The following OTUD7B variants were observed in gnomAD, a reference collection of about 807,000 sequenced individuals.
OTUD7B encodes OTU deubiquitinase 7B, also known as OTU domain-containing protein 7B.
A neutral mutation model predicts 82.2 loss-of-function variants in OTUD7B; 34 were observed. The ratio of observed to expected loss-of-function variants is 0.41; its 90% CI spans 0.31 to 0.55. The LOEUF is 0.55. Among genes scored for constraint, OTUD7B ranks in the 20% least tolerant of loss-of-function variants. OTUD7B has a pLI of 0.20. For synonymous variants in OTUD7B, 398 were observed against 402.7 expected (o/e 0.99, Z 0.14); for missense variants, 944 against 1,062.1 (o/e 0.89, Z 1.55).
intron 7 of OTUD7B, among the ~76,000 whole-genome samples, chr1:149,950,535 T>C (rs912357792): frequency 6.6e-6 from 1 of 152,164 alleles, no homozygotes; most frequent in African/African-American, 2.4e-5. Flanking sequence ...ATTCTCTTCA[T>C]CCAGTAGCTC....
In OTUD7B at chr1:149,950,200, A is replaced by G. The variant is rs1553773045; in HGVS notation, c.867T>C (p.Pro289=). ...NCGGVESSEE[P]VYESLEEFHV... ...GAAACTCTTCAAGGCTCTCATATAC[A>G]GGCTCCTCAGAACTCTCCACCCTGG... The change falls in exon 8 of 12, where the codon CCT becomes CCC. Residue 289 remains proline, a synonymous_variant. Coordinates refer to ENST00000581312, the MANE Select transcript of OTUD7B (RefSeq NM_020205.4). 13 of 1,613,982 alleles carry G rather than the reference A, an allele frequency of 8.1e-6. No homozygotes were observed. Among genetic ancestry groups the G allele is most frequent in the Non-Finnish European group, 9.3e-6 (11 of 1,180,014 alleles).
intron 5 of OTUD7B, among the ~76,000 whole-genome samples, chr1:149,964,716 C>T (rs587675667): frequency 6.6e-6 from 1 of 151,780 alleles, no homozygotes; most frequent in South Asian, 2.1e-4. Flanking sequence ...GCTTCAGCCT[C>T]CCGAGTAGCT....
rs1553771068 is a variant in OTUD7B, at chr1:149,943,886, C to G, written c.2503G>C (p.Asp835His). ...AACCTGTGCACCAGGAGCTCCCCAT[C>G]CGGTTCCCGCTCCCTCCTCCTCAGT... The part of the protein sequence containing the change: ...EELRRREREP[D>H]GELLVHRF The change falls in exon 12 of 12, where the codon GAT becomes CAT. Residue 835 changes from aspartate (D) to histidine (H), a missense_variant. Around this residue, in one of 3 missense-constraint regions of OTUD7B, gnomAD observed 412 missense variants for 418.7 expected, o/e 0.98. Coordinates refer to ENST00000581312, the MANE Select transcript of OTUD7B (RefSeq NM_020205.4). 1 of 1,614,236 alleles carries G rather than the reference C, an allele frequency of 6.2e-7. No individual in the cohort carries two copies. The highest frequency in any genetic ancestry group is 1.1e-5 in the South Asian group (1 of 91,088).
intron 6 of OTUD7B, chr1:149,963,717 T>G (rs57950641): frequency 0.021 from 3,218 of 154,380 alleles, 91 homozygotes; most frequent in African/African-American, 0.07. Context: ...GGTATGCTTT[T>G]TGTGTGTGTG....
the OTUD7B span, among the ~76,000 whole-genome samples, chr1:150,037,651 G>A: frequency 1.3e-5 from 2 of 151,870 alleles, no homozygotes; most frequent in South Asian, 4.2e-4. Context: ...GTGCAGTGCC[G>A]CGATCTCAGC....
chr1:149,964,022 A>C (rs1553775988), intron 6 of OTUD7B, 200 bp downstream of exon 6: 4 of 562,132 alleles, frequency 7.1e-6, no homozygotes, highest in Middle Eastern at 4.9e-4. Context: ...TGTAGGTCTC[A>C]TGCCCACCAC....
the OTUD7B span, among the ~76,000 whole-genome samples, chr1:150,042,463 C>T: frequency 6.6e-6 from 1 of 151,878 alleles, no homozygotes; most frequent in African/African-American, 2.4e-5. Flanking sequence ...TTTGAGCCAC[C>T]GCAACCCGCC....
chr1:149,953,451 C>T (rs375158339), intron 7 of OTUD7B, among the ~76,000 whole-genome samples: 1 of 152,170 alleles, frequency 6.6e-6, no homozygotes, highest in Non-Finnish European at 1.5e-5. Context: ...GTTACTGCAG[C>T]CTTGTAGTAT....
At chr1:149,957,139 T>TCTG (rs1553774736) in intron 7 of OTUD7B, among the ~76,000 whole-genome samples, 1 of 148,322 alleles carries the variant, frequency 6.7e-6, no homozygotes, top group African/African-American at 2.6e-5. Context: ...TTTTCAGCTT[T>TCTG]TCTGCTCTGG....
chr1:149,945,613 C>T (rs919019178), intron 11 of OTUD7B, among the ~76,000 whole-genome samples: 11 of 152,278 alleles, frequency 7.2e-5, no homozygotes, highest in Admixed American at 3.3e-4. Context: ...TGACCCTACT[C>T]CTGTGCTCCT....
At chr1:149,957,264 C>T (rs1317118663) in intron 7 of OTUD7B, among the ~76,000 whole-genome samples, 2 of 151,724 alleles carry the variant, frequency 1.3e-5, no homozygotes, top group African/African-American at 4.9e-5. Flanking sequence ...AGTCAGGACC[C>T]TCAGCTGCAG....
intron 1 of OTUD7B, among the ~76,000 whole-genome samples, chr1:149,992,732 A>G (rs1651679010): frequency 6.6e-6 from 1 of 152,054 alleles, no homozygotes; most frequent in African/African-American, 2.4e-5. Flanking sequence ...TCAGTCTCCC[A>G]AAGTGCTGGG....
At chr1:149,995,803 C>T (rs1651885386) in intron 1 of OTUD7B, among the ~76,000 whole-genome samples, 1 of 152,018 alleles carries the variant, frequency 6.6e-6, no homozygotes, top group African/African-American at 2.4e-5. Context: ...GTATGGCACA[C>T]GGTAATAGTG....
chr1:150,013,947 T>TATATACAC (rs782181773), upstream of OTUD7B, among the ~76,000 whole-genome samples: 64 of 104,372 alleles, frequency 6.1e-4, no homozygotes, highest in South Asian at 1.6e-3. Context: ...AATATATATA[T>TATATACAC]ACACACACAC....
intron 3 of OTUD7B, among the ~76,000 whole-genome samples, chr1:149,968,845 G>A (rs1649700392): frequency 1.3e-5 from 2 of 152,004 alleles, no homozygotes; most frequent in African/African-American, 4.8e-5. Context: ...TGAGTAGCTA[G>A]GATTACAGGC....
the OTUD7B span, among the ~76,000 whole-genome samples, chr1:150,057,481 C>T: frequency 6.6e-6 from 1 of 152,182 alleles, no homozygotes; most frequent in African/African-American, 2.4e-5. Flanking sequence ...GGTAAGTTCT[C>T]CCATGAGTTG....
At chr1:150,031,215 C>A in the OTUD7B span, among the ~76,000 whole-genome samples, 1 of 152,054 alleles carries the variant, frequency 6.6e-6, no homozygotes, top group African/African-American at 2.4e-5. Flanking sequence ...ACGATGCCAC[C>A]ATATTTTAGA....
At chr1:149,962,841 A>G (rs1649250929) in intron 6 of OTUD7B, 1 of 152,192 alleles carries the variant, frequency 6.6e-6, no homozygotes, top group Non-Finnish European at 1.5e-5. Context: ...AAAACTGACT[A>G]CTGATTTGCT....
the OTUD7B span, among the ~76,000 whole-genome samples, chr1:150,016,871 G>C: frequency 6.6e-6 from 1 of 152,200 alleles, no homozygotes; most frequent in Admixed American, 6.5e-5. Flanking sequence ...GTCAGTAAGA[G>C]ACAGCTTGAG....
Sources: allele counts gnomAD v4.1 joint callset (sites outside exome capture counted in the v4.1 genomes callset), GRCh38; gene constraint gnomAD v4.1.1; regional missense constraint gnomAD v4.1.1; transcripts MANE v1.5; gene names NCBI Gene and HGNC (gene_info 2026-07-23, HGNC 2026-07-21).